The following NEBL variants were observed in gnomAD, a reference collection of about 807,000 sequenced individuals.
NEBL encodes the protein nebulette.
NEBL carries 122 observed loss-of-function variants against 140.2 expected under a neutral mutation model. The observed-to-expected ratio is 0.87, with a 90% CI of 0.75 to 1.01. NEBL has a LOEUF of 1.01. Ranked by LOEUF, NEBL falls within the 50% of genes least tolerant of loss-of-function variation. NEBL has a pLI of 0.00. For missense variants in NEBL, 1,365 were observed against 1,231.3 expected (o/e 1.11, Z -1.62); for synonymous variants, 436 against 398.9 (o/e 1.09, Z -1.11).
chr10:20,965,181 G>A lies in NEBL; in HGVS notation c.250-3402C>T, dbSNP rs1589084269. 5.3e-5 allele frequency among the ~76,000 whole-genome samples: 8 copies of A among 152,216 alleles called. No homozygotes were observed. The South Asian group carries it at 1.7e-3, about 32-fold the overall frequency. ...GAGCTGTTCCAGGTATAGAAATGATGTGACAAAGAGAAGTCAATGGTCCCT... is the reference window on the plus strand; with the variant it reads ...GAGCTGTTCCAGGTATAGAAATGATATGACAAAGAGAAGTCAATGGTCCCT... On this transcript the variant is annotated intron_variant, in intron 3 of 6. Coordinates refer to the NEBL transcript ENST00000417816.
At chr10:20,858,096 G>A in intron 9 of NEBL, 144 bp downstream of exon 9, 2 of 708,452 alleles carry the variant, frequency 2.8e-6, no homozygotes. Flanking sequence ...TGCAAGCAGA[G>A]GACTGTTTTT....
At chr10:20,855,053 A>G (rs1399459635) in intron 9 of NEBL, among the ~76,000 whole-genome samples, 2 of 151,930 alleles carry the variant, frequency 1.3e-5, no homozygotes, top group East Asian at 3.9e-4. Context: ...GTCAAACTCT[A>G]TCTCTACTAC....
At chr10:20,989,907 C>A (rs1473181627) in intron 3 of NEBL, among the ~76,000 whole-genome samples, 1 of 152,128 alleles carries the variant, frequency 6.6e-6, no homozygotes, top group Non-Finnish European at 1.5e-5. Flanking sequence ...TTTTTACTCA[C>A]CTCTAACTGA....
chr10:21,290,627 A>G (rs1352109140), intron 1 of NEBL, among the ~76,000 whole-genome samples: 1 of 152,216 alleles, frequency 6.6e-6, no homozygotes, highest in African/African-American at 2.4e-5. Flanking sequence ...ACTCCAAAAG[A>G]TTATTAGGAG....
intron 2 of NEBL, among the ~76,000 whole-genome samples, chr10:21,109,730 G>A (rs539626279): frequency 6.6e-6 from 1 of 152,236 alleles, no homozygotes; most frequent in East Asian, 1.9e-4. Context: ...AGTCTTGGGA[G>A]AATGTATGTG....
intron 2 of NEBL, among the ~76,000 whole-genome samples, chr10:21,095,925 T>G (rs1837166194): frequency 1.3e-5 from 2 of 152,184 alleles, no homozygotes; most frequent in Admixed American, 1.3e-4. Context: ...CTAGACTGGA[T>G]AAGTCATTTA....
chr10:20,977,284 G>A (rs558210847), intron 3 of NEBL, among the ~76,000 whole-genome samples: 1 of 152,188 alleles, frequency 6.6e-6, no homozygotes, highest in Non-Finnish European at 1.5e-5. Context: ...AGAAAGTGAG[G>A]CTGTAAGGGA....
intron 3 of NEBL, among the ~76,000 whole-genome samples, chr10:21,242,685 G>A (rs1475200313): frequency 6.6e-6 from 1 of 152,168 alleles, no homozygotes; most frequent in East Asian, 1.9e-4. Context: ...ATTGAGGAAG[G>A]AGCCACTACA....
In NEBL at chr10:21,123,469, A is replaced by G. The variant is rs564266473; in HGVS notation, c.164+48914T>C. On this transcript the variant is annotated intron_variant, in intron 2 of 6. Coordinates refer to the NEBL transcript ENST00000417816. ...TTATTCATACACTGAAGATATCAGTAAAAAGCTCACTAAGTCTTTTATGTC... is the reference window on the plus strand; with the variant it reads ...TTATTCATACACTGAAGATATCAGTGAAAAGCTCACTAAGTCTTTTATGTC... 7.2e-5 allele frequency among the ~76,000 whole-genome samples: 11 copies of G among 152,328 alleles called. No homozygotes were observed. The South Asian group carries it at 2.3e-3, about 32-fold the overall frequency.
At chr10:21,177,779 C>T (rs563502160), upstream of NEBL, among the ~76,000 whole-genome samples, 14 of 152,264 alleles carry the variant, frequency 9.2e-5, no homozygotes, top group Admixed American at 4.6e-4. Flanking sequence ...CTGCCAGTCT[C>T]GGCCTCCCAA....
At chr10:21,280,251 G>A (rs1314255717) in intron 1 of NEBL, among the ~76,000 whole-genome samples, 1 of 152,016 alleles carries the variant, frequency 6.6e-6, no homozygotes, top group Non-Finnish European at 1.5e-5. Context: ...ATCTCTTCCA[G>A]GGGTGCAATT....
intron 1 of NEBL, among the ~76,000 whole-genome samples, chr10:21,289,316 T>C (rs1417733095): frequency 6.6e-6 from 1 of 152,106 alleles, no homozygotes; most frequent in African/African-American, 2.4e-5. Context: ...TTCACGGAGA[T>C]CATGAAGGAC....
intron 4 of NEBL, among the ~76,000 whole-genome samples, chr10:20,927,164 A>G (rs1833952513): frequency 6.6e-6 from 1 of 152,210 alleles, no homozygotes; most frequent in Non-Finnish European, 1.5e-5. Context: ...TGATAACATT[A>G]AATAAGATGG....
At chr10:20,833,815 G>A (rs944779821) in intron 14 of NEBL, among the ~76,000 whole-genome samples, 4 of 152,096 alleles carry the variant, frequency 2.6e-5, no homozygotes, top group Admixed American at 2.0e-4. Flanking sequence ...GCAGAATTCT[G>A]GTTAGGAAGC....
intron 2 of NEBL, among the ~76,000 whole-genome samples, chr10:21,141,478 G>T (rs909041281): frequency 4.6e-5 from 7 of 152,088 alleles, no homozygotes; most frequent in African/African-American, 1.7e-4. Flanking sequence ...AAGCATACAA[G>T]AATTTTTCAT....
chr10:21,055,598 C>T (rs1251988484), intron 2 of NEBL, among the ~76,000 whole-genome samples: 1 of 152,194 alleles, frequency 6.6e-6, no homozygotes, highest in East Asian at 1.9e-4. Context: ...GTTATTTAAC[C>T]TCTGTGTCTC....
chr10:21,186,552 A>G (rs1841474852), intron 3 of NEBL, among the ~76,000 whole-genome samples: 1 of 152,200 alleles, frequency 6.6e-6, no homozygotes, highest in Non-Finnish European at 1.5e-5. Context: ...CTTTAAATCA[A>G]GCTTGTCCAA....
chr10:20,821,327 A>C (rs373873210), intron 19 of NEBL, among the ~76,000 whole-genome samples: 4 of 152,174 alleles, frequency 2.6e-5, no homozygotes, highest in African/African-American at 9.7e-5. Flanking sequence ...AGGTTTCAAG[A>C]GGTGAATGGC....
At chr10:20,918,101 G>A (rs964255938) in intron 4 of NEBL, among the ~76,000 whole-genome samples, 4 of 152,212 alleles carry the variant, frequency 2.6e-5, no homozygotes, top group African/African-American at 9.7e-5. Flanking sequence ...ACTCATGCCT[G>A]TAATCCCAGC....
Sources: gnomAD v4.1 joint callset for allele counts (sites outside exome capture counted in the v4.1 genomes callset) on GRCh38, gnomAD v4.1.1 for gene constraint, MANE v1.5 for transcripts, NCBI Gene and HGNC (gene_info 2026-07-23, HGNC 2026-07-21) for gene names.